SRD5A3: variants seen among roughly 807,000 people sequenced by gnomAD.
The protein encoded by SRD5A3 is polyprenal reductase.
In SRD5A3, 24 loss-of-function variants were observed where a neutral mutation model predicts 34.3. The ratio of observed to expected loss-of-function variants is 0.70; its 90% CI spans 0.51 to 0.99. SRD5A3 has a LOEUF of 0.99. SRD5A3 is among the 50% of genes least tolerant of loss of function. The pLI is 0.00. For synonymous variants in SRD5A3, 161 were observed against 167.3 expected (o/e 0.96, Z 0.29); for missense variants, 350 against 388.2 (o/e 0.90, Z 0.83).
chr4:55,352,480 G>T, intron 1 of SRD5A3: 3 of 637,184 alleles, frequency 4.7e-6, no homozygotes, highest in South Asian at 1.6e-5. Flanking sequence ...TGCCGAAGGG[G>T]TCCATGATGG....
At chr4:55,362,527 T>C (rs1719723475) in intron 2 of SRD5A3, among the ~76,000 whole-genome samples, 1 of 152,086 alleles carries the variant, frequency 6.6e-6, no homozygotes, top group South Asian at 2.1e-4. Context: ...TGATCATAGC[T>C]CACTGCAGCC....
intron 2 of SRD5A3, 34 bp downstream of exon 2, chr4:55,359,522 T>C (rs373502510): frequency 2.5e-6 from 4 of 1,613,474 alleles, no homozygotes; most frequent in Middle Eastern, 1.6e-4. Flanking sequence ...CAACGCTGCA[T>C]CCCGTTTCTG....
At chr4:55,369,622 T>TG in intron 4 of SRD5A3, 3 of 604,492 alleles carry the variant, frequency 5.0e-6, no homozygotes. Flanking sequence ...TACTAGCCAC[T>TG]GGGCAGTTTG....
Position 55,367,714 on chromosome 4 carries a change from A to G in SRD5A3, c.689A>G (p.Asn230Ser), listed in dbSNP as rs762757653. 6 of 1,614,180 alleles carry G rather than the reference A, an allele frequency of 3.7e-6. No homozygotes were observed. Among genetic ancestry groups the G allele is most frequent in the South Asian group, 1.1e-5 (1 of 91,084 alleles). The change falls in exon 4 of 5, where the codon AAT becomes AGT. Residue 230 changes from asparagine (N) to serine (S), a missense_variant. Asn to Ser is a conservative substitution (Grantham distance 46). This residue lies in a region of SRD5A3 where 186 missense variants were observed against 221.4 expected (regional missense o/e 0.84). Transcript: ENST00000264228. ...CHVILGNLRK[N>S]KAGVVIHCNH... ...GTTATTCTCGGCAATCTCAGGAAAA[A>G]TAAAGCAGGTGAGACCTCTTTTAGA...
chr4:55,359,326 C>T lies in SRD5A3; in HGVS notation c.222-20C>T, dbSNP rs762367949. The T allele has an allele frequency of 5.6e-6, 9 of 1,613,576 alleles. No individual in the cohort carries two copies. Among genetic ancestry groups the T allele is most frequent in the Admixed American group, 5.0e-5 (3 of 59,990 alleles). On this transcript the variant is annotated intron_variant, in intron 1 of 4. Coordinates refer to ENST00000264228, the MANE Select transcript of SRD5A3 (RefSeq NM_024592.5). Reference sequence around the variant, plus strand: ...AGTGGATCTACCCTAATTATTGCCTCGCTTGTTTTCCTTTTGCAGATATTT... The same window carrying T: ...AGTGGATCTACCCTAATTATTGCCTTGCTTGTTTTCCTTTTGCAGATATTT...
intron 1 of SRD5A3, among the ~76,000 whole-genome samples, chr4:55,357,781 A>G (rs1719525680): frequency 6.6e-6 from 1 of 152,218 alleles, no homozygotes; most frequent in Non-Finnish European, 1.5e-5. Context: ...ATCATAGCTC[A>G]CTATAACCTC....
intron 2 of SRD5A3, among the ~76,000 whole-genome samples, chr4:55,360,044 C>G (rs549465582): frequency 2.7e-4 from 41 of 151,674 alleles, no homozygotes; most frequent in Non-Finnish European, 5.7e-4. Context: ...AACCCTGTCT[C>G]TACTAAAAAT....
At position 55,346,358 on chromosome 4, in the gene SRD5A3, G is replaced by T; in HGVS notation, c.22G>T (p.Glu8Ter). The change falls in exon 1 of 5, where the codon GAG becomes TAG. Residue 8 changes from glutamate to a stop codon, truncating the protein, a stop_gained. Coordinates refer to ENST00000264228, the MANE Select transcript of SRD5A3 (RefSeq NM_024592.5). LOFTEE classifies it high-confidence loss of function. MAPWAEA[E>*]HSALNPLRAV... The stretch of plus-strand genomic sequence containing the variant: ...GGCCATGGCTCCCTGGGCGGAGGCC[G>T]AGCACTCGGCGCTGAACCCGCTGCG... 6.5e-7 allele frequency: 1 copy of T among 1,529,304 alleles called. No individual in the cohort carries two copies. Among genetic ancestry groups the T allele is most frequent in the Admixed American group, 2.1e-5 (1 of 48,604 alleles). 94.7% of individuals were successfully genotyped at this position (1,529,304 alleles called of 1,614,324 possible).
At position 55,372,078 on chromosome 4, in the gene SRD5A3, T is replaced by C. The variant is rs113715559; in HGVS notation, c.*1987T>C. On this transcript the variant is annotated 3_prime_UTR_variant, in exon 5 of 5. Coordinates refer to ENST00000264228, the MANE Select transcript of SRD5A3 (RefSeq NM_024592.5). ...TACTTAAATAAATGCCATATTTATT[T>C]TACTTATCATTTAGAATTTGCCATT... 3 of 152,366 alleles carry C rather than the reference T, an allele frequency of 2.0e-5. No homozygotes were observed. The highest frequency in any genetic ancestry group is 7.2e-5 in the African/African-American group (3 of 41,578). 9.4% of individuals were successfully genotyped at this position (152,366 alleles called of 1,614,324 possible).
At chr4:55,365,810 T>C (rs549167569) in intron 3 of SRD5A3, 34 of 152,350 alleles carry the variant, frequency 2.2e-4, no homozygotes, top group Admixed American at 1.7e-3. Flanking sequence ...CAGTAATTCA[T>C]TGAGAGAAAA....
At chr4:55,347,367 G>T (rs1352984495) in intron 1 of SRD5A3, among the ~76,000 whole-genome samples, 1 of 152,184 alleles carries the variant, frequency 6.6e-6, no homozygotes, top group African/African-American at 2.4e-5. Context: ...AGTGGCTCAC[G>T]CCTGTAATCC....
intron 1 of SRD5A3, among the ~76,000 whole-genome samples, chr4:55,346,804 C>T (rs941429872): frequency 1.3e-5 from 2 of 152,202 alleles, no homozygotes; most frequent in African/African-American, 4.8e-5. Flanking sequence ...TTGCACTCAG[C>T]TGGAGGAATG....
chr4:55,364,300 C>G, intron 3 of SRD5A3, 29 bp downstream of exon 3: 4 of 1,612,520 alleles, frequency 2.5e-6, no homozygotes, highest in Non-Finnish European at 3.4e-6. Context: ...GCCAGGAGCT[C>G]CCCACCCCAG....
chr4:55,363,249 G>A (rs549679487), intron 2 of SRD5A3, among the ~76,000 whole-genome samples: 238 of 151,962 alleles, frequency 1.6e-3, no homozygotes, highest in African/African-American at 5.4e-3. Flanking sequence ...CCCGGAGTTC[G>A]AGACCAGCCT....
intron 1 of SRD5A3, chr4:55,359,110 T>C: frequency 1.9e-6 from 1 of 517,042 alleles, no homozygotes; most frequent in East Asian, 3.7e-5. Context: ...CACAGTTGGT[T>C]GTGTTCTTGT....
At chr4:55,353,199 G>A (rs1398747436) in intron 1 of SRD5A3, among the ~76,000 whole-genome samples, 3 of 152,204 alleles carry the variant, frequency 2.0e-5, no homozygotes, top group Admixed American at 2.0e-4. Flanking sequence ...TGGACTTCCT[G>A]GGTGGAGTGG....
rs1578214320 is a variant in SRD5A3 at position 55,370,473 on chromosome 4, A to ACACACACACACACACAC, written c.*382_*383insCACACACACACACACAC. On this transcript the variant is annotated 3_prime_UTR_variant, in exon 5 of 5. Transcript: ENST00000264228. ...CACACACACACACACACACACACAC[A>ACACACACACACACACAC]AAGGAAGATCATCAATGGCTGCGGT... The ACACACACACACACACAC allele has an allele frequency of 3.8e-6, 1 of 266,288 alleles. No individual in the cohort carries two copies. The highest frequency in any genetic ancestry group is 2.5e-5 in the African/African-American group (1 of 40,144). 16.5% of individuals were successfully genotyped at this position (266,288 alleles called of 1,614,324 possible). A position where few individuals can be genotyped will look rare whatever the true frequency, so the allele number is the denominator to read the frequency against.
rs534289801 is a variant in SRD5A3 at position 55,370,789 on chromosome 4, G to A, written c.*698G>A. ...CAGATACTTGGGAGTGGGCTGAGAT[G>A]GGAGAATCGCTTGAGCCCAGGAGGT... On this transcript the variant is annotated 3_prime_UTR_variant, in exon 5 of 5. Transcript: ENST00000264228. 1 of 152,716 alleles carries A rather than the reference G, an allele frequency of 6.5e-6. No homozygotes were observed. The highest frequency in any genetic ancestry group is 2.4e-5 in the African/African-American group (1 of 41,544). 9.5% of individuals were successfully genotyped at this position (152,716 alleles called of 1,614,324 possible).
chr4:55,354,399 A>T lies in SRD5A3; in HGVS notation c.222-4947A>T, dbSNP rs10033667. ...CCTGACGCACCGCGCTCGGCCAGCA[A>T]ATATGTATTAATATTAAAAATAGAT... On this transcript the variant is annotated intron_variant, in intron 1 of 4. Transcript: ENST00000264228. Among the ~76,000 whole-genome samples the T allele has an allele frequency of 7.3e-3, 1,116 of 152,240 alleles. 6 individuals carry two copies. Among genetic ancestry groups the T allele is most frequent in the African/African-American group, 0.026 (1,069 of 41,532 alleles).
Sources: allele counts gnomAD v4.1 joint callset (sites outside exome capture counted in the v4.1 genomes callset), GRCh38; gene constraint gnomAD v4.1.1; regional missense constraint gnomAD v4.1.1; transcripts MANE v1.5; gene names NCBI Gene and HGNC (gene_info 2026-07-23, HGNC 2026-07-21).